ZFP91: variants seen among roughly 807,000 people sequenced by gnomAD.
ZFP91 encodes E3 ubiquitin-protein ligase ZFP91.
Under a neutral mutation model 63.5 loss-of-function variants are expected in ZFP91, and 7 were observed. The observed-to-expected ratio is 0.11, with a 90% CI of 0.06 to 0.21. The LOEUF (loss-of-function observed/expected upper bound fraction) is 0.21. Ranked by LOEUF, ZFP91 falls within the 10% of genes least tolerant of loss-of-function variation. ZFP91 has a pLI of 1.00. For synonymous variants in ZFP91, 330 were observed against 272.1 expected (o/e 1.21, Z -2.10); for missense variants, 628 against 736.6 (o/e 0.85, Z 1.71).
In ZFP91 at chr11:58,595,984, C is replaced by T. The variant is rs1855394793; in HGVS notation, c.370+11100C>T. On this transcript the variant is annotated intron_variant, in intron 2 of 10. Coordinates refer to ENST00000316059, the MANE Select transcript of ZFP91 (RefSeq NM_053023.5). ...GAACAACATGGTAGGGTTAGGGGCA[C>T]CACCTCCCCCTCACAAACAAAAACC... Among the ~76,000 whole-genome samples, 6 of 152,082 alleles carry T rather than the reference C, an allele frequency of 3.9e-5. 1 individual carries two copies. In the South Asian group the frequency reaches 1.2e-3, roughly 31 times the overall value.
intron 1 of ZFP91, among the ~76,000 whole-genome samples, chr11:58,581,481 A>G (rs1855115464): frequency 1.3e-5 from 2 of 152,188 alleles, no homozygotes; most frequent in Admixed American, 6.5e-5. Flanking sequence ...CTGCCTCGTC[A>G]TCCCAAGCAG....
intron 9 of ZFP91, 68 bp downstream of exon 9, chr11:58,614,411 T>C (rs1855716737): frequency 1.7e-6 from 2 of 1,173,018 alleles, no homozygotes; most frequent in Non-Finnish European, 1.2e-6. Flanking sequence ...TTGGTAATGA[T>C]AACGTTTTTC....
intron 1 of ZFP91, among the ~76,000 whole-genome samples, chr11:58,583,540 C>T (rs919849038): frequency 1.3e-5 from 2 of 151,998 alleles, no homozygotes; most frequent in African/African-American, 4.8e-5. Context: ...GAGAAGCCTT[C>T]AGTTGTACAA....
chr11:58,601,881 G>A (rs1317074413), intron 2 of ZFP91, among the ~76,000 whole-genome samples: 2 of 152,122 alleles, frequency 1.3e-5, no homozygotes, highest in African/African-American at 2.4e-5. Flanking sequence ...TTATATGACT[G>A]CAGCCATTTG....
chr11:58,601,567 G>C (rs1189142670), intron 2 of ZFP91, among the ~76,000 whole-genome samples: 3 of 149,690 alleles, frequency 2.0e-5, no homozygotes, highest in African/African-American at 4.9e-5. Flanking sequence ...TTTTTTCCTA[G>C]CTCTTATGGG....
chr11:58,601,386 A>G (rs1855488091), intron 2 of ZFP91, among the ~76,000 whole-genome samples: 1 of 152,184 alleles, frequency 6.6e-6, no homozygotes, highest in African/African-American at 2.4e-5. Context: ...GTTGGCAAAC[A>G]GTTGTTCATT....
intron 2 of ZFP91, among the ~76,000 whole-genome samples, chr11:58,599,672 T>C (rs1337267452): frequency 6.6e-6 from 1 of 152,084 alleles, no homozygotes; most frequent in Non-Finnish European, 1.5e-5. Context: ...TCTTTGCCCA[T>C]GTTTTAATTG....
At chr11:58,586,135 A>AT (rs1183227253) in intron 2 of ZFP91, among the ~76,000 whole-genome samples, 3 of 152,126 alleles carry the variant, frequency 2.0e-5, no homozygotes, top group Non-Finnish European at 4.4e-5. Context: ...CAATTTGGAG[A>AT]TTTTATGATG....
chr11:58,580,935 T>A (rs1822337180), intron 1 of ZFP91, among the ~76,000 whole-genome samples: 1 of 152,228 alleles, frequency 6.6e-6, no homozygotes. Flanking sequence ...CTATATTGTT[T>A]AATCTCATGA....
intron 2 of ZFP91, among the ~76,000 whole-genome samples, chr11:58,598,749 CGTGTGT>C (rs56110499): frequency 0.029 from 3,461 of 120,856 alleles, 42 homozygotes; most frequent in African/African-American, 0.042. Context: ...CTTTTGTGCA[CGTGTGT>C]GTGTGTGTGT....
In ZFP91 at chr11:58,618,666, G is replaced by A. The variant is rs763271804; in HGVS notation, c.*960G>A. 1 of 456,700 alleles carries A rather than the reference G, an allele frequency of 2.2e-6. No homozygotes were observed. Among genetic ancestry groups the A allele is most frequent in the Admixed American group, 2.4e-5 (1 of 42,538 alleles). 28.3% of individuals were successfully genotyped at this position (456,700 alleles called of 1,614,324 possible). A position where few individuals can be genotyped will look rare whatever the true frequency, so the allele number is the denominator to read the frequency against. ...TTGACATGGGATCCCTTCCATAACA[G>A]GTACTTTGAAGGCAAGACATAGGGT... On this transcript the variant is annotated 3_prime_UTR_variant, in exon 11 of 11. Transcript: ENST00000316059.
intron 2 of ZFP91, among the ~76,000 whole-genome samples, chr11:58,585,394 A>G (rs1044033553): frequency 8.5e-5 from 13 of 152,286 alleles, no homozygotes; most frequent in Middle Eastern, 3.4e-3. Flanking sequence ...TCACTTTTTC[A>G]ATAACTTTTA....
chr11:58,604,707 G>T (rs1388317414), intron 2 of ZFP91, among the ~76,000 whole-genome samples: 1 of 152,166 alleles, frequency 6.6e-6, no homozygotes, highest in Admixed American at 6.5e-5. Context: ...ACACAAAATC[G>T]TAAACTTTCT....
intron 2 of ZFP91, among the ~76,000 whole-genome samples, chr11:58,603,631 AGCTGCAAAT>A (rs554542883): frequency 3.8e-4 from 58 of 152,344 alleles, no homozygotes; most frequent in African/African-American, 1.4e-3. Context: ...CTGAGGGTAG[AGCTGCAAAT>A]GCTGGGTCCT....
Position 58,617,630 on chromosome 11 carries a change from G to A in ZFP91, c.1637G>A (p.Gly546Glu). Residue 546 changes from glycine to glutamate, a missense_variant, in exon 11 of 11, where the codon GGG becomes GAG. Gly to Glu is a moderately conservative substitution (Grantham distance 98). This residue lies in a region of ZFP91 where 115 missense variants were observed against 125.4 expected (regional missense o/e 0.92). Coordinates refer to ENST00000316059, the MANE Select transcript of ZFP91 (RefSeq NM_053023.5). The surrounding 1 kb of genome is among the most constrained non-coding windows in gnomAD (Gnocchi z 4.2). ...AGCGGCAGCAGTGGAGGCACTGAAG[G>A]GCTGGTTATGAACTCAGATATACTC... is the stretch of plus-strand genomic sequence containing the variant. ...VGSGSSGGTE[G>E]LVMNSDILGA... 6.3e-7 allele frequency: 1 copy of A among 1,585,540 alleles called. No homozygotes were observed. The highest frequency in any genetic ancestry group is 8.6e-7 in the Non-Finnish European group (1 of 1,166,656).
At position 58,617,665 on chromosome 11, in the gene ZFP91, A is replaced by G; in HGVS notation, c.1672A>G (p.Thr558Ala). ...GAACTCAGATATACTCGGTGCTACC[A>G]CAGAGGTTCTGATTGAAGATTCAGA... ...VMNSDILGAT[T>A]EVLIEDSDSA... Residue 558 changes from threonine (T) to alanine (A), a missense_variant, in exon 11 of 11, where the codon ACA (threonine) becomes GCA (alanine). Physicochemically the swap from Thr to Ala is moderately conservative, Grantham distance 58 (BLOSUM62 0). Coordinates refer to ENST00000316059, the MANE Select transcript of ZFP91 (RefSeq NM_053023.5). The surrounding 1 kb of genome is among the most constrained non-coding windows in gnomAD (Gnocchi z 4.2). 6.5e-7 allele frequency: 1 copy of G among 1,531,272 alleles called. No individual in the cohort carries two copies. The highest frequency in any genetic ancestry group is 1.3e-5 in the South Asian group (1 of 76,562). 94.9% of individuals were successfully genotyped at this position (1,531,272 alleles called of 1,614,324 possible). A position where few individuals can be genotyped will look rare whatever the true frequency, so the allele number is the denominator to read the frequency against.
intron 2 of ZFP91, among the ~76,000 whole-genome samples, chr11:58,591,575 A>AT (rs1855306685): frequency 1.3e-5 from 2 of 152,190 alleles, no homozygotes; most frequent in South Asian, 4.1e-4. Context: ...AATGTCCTTC[A>AT]TGCCTGTTTA....
chr11:58,588,629 C>G (rs975339532), intron 2 of ZFP91, among the ~76,000 whole-genome samples: 3 of 151,814 alleles, frequency 2.0e-5, no homozygotes, highest in Admixed American at 1.3e-4. Flanking sequence ...CTCTTGTATC[C>G]CATTCATCTT....
chr11:58,587,529 T>A (rs1337799008), intron 2 of ZFP91, among the ~76,000 whole-genome samples: 1 of 152,192 alleles, frequency 6.6e-6, no homozygotes, highest in African/African-American at 2.4e-5. Context: ...GAAAGCTTAG[T>A]TTACCACTGG....
Sources: allele counts gnomAD v4.1 joint callset (sites outside exome capture counted in the v4.1 genomes callset), GRCh38; gene constraint gnomAD v4.1.1; regional missense constraint gnomAD v4.1.1; non-coding constraint Gnocchi (gnomAD v3.1); transcripts MANE v1.5; gene names NCBI Gene and HGNC (gene_info 2026-07-23, HGNC 2026-07-21).